The following TIAM1 variants were observed in gnomAD, a reference collection of about 807,000 sequenced individuals.
The protein encoded by TIAM1 is rho guanine nucleotide exchange factor TIAM1.
TIAM1 carries 65 observed loss-of-function variants against 163.5 expected under a neutral mutation model. The ratio of observed to expected loss-of-function variants is 0.40; its 90% confidence interval spans 0.33 to 0.49. The LOEUF (loss-of-function observed/expected upper bound fraction) is 0.49. Ranked by LOEUF, TIAM1 falls within the 20% of genes least tolerant of loss-of-function variation. TIAM1 has a pLI of 0.77. For missense variants in TIAM1, 1,789 were observed against 2,044.7 expected, an observed-to-expected ratio of 0.87 and a Z score of 2.41; for synonymous variants, 833 against 810.1, an observed-to-expected ratio of 1.03 and a Z score of -0.48.
intron 2 of TIAM1, among the ~76,000 whole-genome samples, chr21:31,394,232 A>C (rs2077013733): frequency 6.6e-6 from 1 of 152,204 alleles, no homozygotes; most frequent in Admixed American, 6.5e-5. Flanking sequence ...ACATATTACT[A>C]AGTGAAAGAA....
chr21:31,343,611 C>T (rs1298826755), intron 1 of TIAM1, among the ~76,000 whole-genome samples: 1 of 152,134 alleles, frequency 6.6e-6, no homozygotes, highest in African/African-American at 2.4e-5. Flanking sequence ...TCCAGAACTC[C>T]CATCCAGGTG....
chr21:31,365,383 C>CTTTTT (rs201546931), intron 2 of TIAM1, among the ~76,000 whole-genome samples: 1,474 of 138,056 alleles, frequency 0.011, 16 homozygotes, highest in African/African-American at 0.014. Context: ...TCACTTATTT[C>CTTTTT]TTTCTTTTTT....
intron 15 of TIAM1, among the ~76,000 whole-genome samples, chr21:31,178,547 C>G (rs1011140232): frequency 6.6e-6 from 1 of 152,068 alleles, no homozygotes; most frequent in Non-Finnish European, 1.5e-5. Context: ...ACCTCGTGAT[C>G]TGCCTGCCTC....
chr21:31,346,902 A>G (rs1265961955), upstream of TIAM1, among the ~76,000 whole-genome samples: 1 of 151,586 alleles, frequency 6.6e-6, no homozygotes, highest in Non-Finnish European at 1.5e-5. Context: ...GGGGGCATAT[A>G]CTTTTTTTTC....
upstream of TIAM1, among the ~76,000 whole-genome samples, chr21:31,346,989 A>G (rs2076158956): frequency 6.6e-6 from 1 of 152,082 alleles, no homozygotes; most frequent in Admixed American, 6.6e-5. Flanking sequence ...GTGTTTCTCT[A>G]AAGGGGACGT....
intron 2 of TIAM1, among the ~76,000 whole-genome samples, chr21:31,385,932 T>G (rs1161380359): frequency 4.2e-5 from 6 of 143,552 alleles, no homozygotes; most frequent in Non-Finnish European, 9.1e-5. Context: ...TGATAATATA[T>G]TAATGTTATT....
intron 1 of TIAM1, among the ~76,000 whole-genome samples, chr21:31,540,357 C>A: frequency 6.6e-6 from 1 of 150,566 alleles, no homozygotes; most frequent in African/African-American, 2.4e-5. Flanking sequence ...TGCACTCCAG[C>A]CTAGGCAAAA....
At chr21:31,199,259 T>A (rs922446043) in intron 12 of TIAM1, among the ~76,000 whole-genome samples, 4 of 152,304 alleles carry the variant, frequency 2.6e-5, no homozygotes, top group South Asian at 4.1e-4. Flanking sequence ...CAGCCTTCTA[T>A]GGGCCCTGGC....
intron 1 of TIAM1, among the ~76,000 whole-genome samples, chr21:31,477,886 G>C (rs1204807481): frequency 6.6e-6 from 1 of 152,200 alleles, no homozygotes; most frequent in African/African-American, 2.4e-5. Context: ...CCGTGTCCCA[G>C]GCAGCTGAGA....
chr21:31,160,409 C>G (rs544812835), intron 16 of TIAM1: 3 of 398,426 alleles, frequency 7.5e-6, no homozygotes, highest in Non-Finnish European at 1.3e-5. Flanking sequence ...ACAATCAAAC[C>G]TAGCAAGATA....
At position 31,535,932 on chromosome 21, in the gene TIAM1, C is replaced by T. The variant is rs1283665569; in HGVS notation, c.-422+22995G>A. The stretch of plus-strand genomic sequence containing the variant: ...ATGACAAAACACCAGAATGAGCCTG[C>T]TCTCAAGAATTAGAGGCACGCCAAC... On this transcript the variant is annotated intron_variant, in intron 1 of 28. Transcript: ENST00000286827. 3.3e-5 allele frequency among the ~76,000 whole-genome samples: 5 copies of T among 152,310 alleles called. No homozygotes were observed. The East Asian group carries it at 9.7e-4, about 29-fold the overall frequency.
At chr21:31,224,890 C>A (rs888619135) in intron 7 of TIAM1, among the ~76,000 whole-genome samples, 1 of 152,176 alleles carries the variant, frequency 6.6e-6, no homozygotes, top group African/African-American at 2.4e-5. Flanking sequence ...TTACTGACAG[C>A]TGAATAGCAG....
intron 16 of TIAM1, among the ~76,000 whole-genome samples, chr21:31,154,635 C>T (rs1163785534): frequency 6.6e-6 from 1 of 152,220 alleles, no homozygotes; most frequent in Non-Finnish European, 1.5e-5. Context: ...ACACTCATCG[C>T]TTACCACACG....
chr21:31,349,421 C>G (rs1384784064), intron 2 of TIAM1, among the ~76,000 whole-genome samples: 1 of 152,158 alleles, frequency 6.6e-6, no homozygotes, highest in South Asian at 2.1e-4. Context: ...GCTGTCCCAC[C>G]CACACACACA....
chr21:31,431,132 A>G (rs1038656126), intron 2 of TIAM1, among the ~76,000 whole-genome samples: 1 of 152,024 alleles, frequency 6.6e-6, no homozygotes, highest in African/African-American at 2.4e-5. Flanking sequence ...TCTCCCCCTT[A>G]TCCACTGGAA....
intron 1 of TIAM1, among the ~76,000 whole-genome samples, chr21:31,530,538 T>C (rs1411044626): frequency 2.6e-5 from 4 of 152,332 alleles, no homozygotes; most frequent in Non-Finnish European, 4.4e-5. Context: ...ATGAAACTCC[T>C]AGAGGAAGCA....
At chr21:31,310,557 G>A (rs1340492068) in intron 2 of TIAM1, among the ~76,000 whole-genome samples, 1 of 152,112 alleles carries the variant, frequency 6.6e-6, no homozygotes, top group Non-Finnish European at 1.5e-5. Context: ...CTCCAATAAA[G>A]TCTGGGAAAT....
rs531171917 is a variant in TIAM1 at position 31,391,632 on chromosome 21, A to C, written c.-368-52210T>G. On this transcript the variant is annotated intron_variant, in intron 2 of 28. Coordinates refer to the TIAM1 transcript ENST00000286827. ...AGAGCAAGACTCTGTCTTAAAAAAA[A>C]CAAAACAAAACAACGGAAAGTCTAT... 2.4e-4 allele frequency among the ~76,000 whole-genome samples: 36 copies of C among 152,296 alleles called. No homozygotes were observed. In the East Asian group the frequency reaches 6.8e-3, roughly 29 times the overall value.
intron 2 of TIAM1, among the ~76,000 whole-genome samples, chr21:31,413,888 C>T (rs2043290072): frequency 6.6e-6 from 1 of 152,054 alleles, no homozygotes; most frequent in Non-Finnish European, 1.5e-5. Context: ...TCAGCCAGTC[C>T]CCCCGCAACA....
Sources: gnomAD v4.1 joint callset for allele counts (sites outside exome capture counted in the v4.1 genomes callset) on GRCh38, gnomAD v4.1.1 for gene constraint, MANE v1.5 for transcripts, NCBI Gene and HGNC (gene_info 2026-07-23, HGNC 2026-07-21) for gene names.